The following MGARP variants were observed in gnomAD, a reference collection of about 807,000 sequenced individuals.
MGARP encodes protein MGARP.
A neutral mutation model predicts 11.0 loss-of-function variants in MGARP; 12 were observed. That is an observed-to-expected ratio of 1.09 (90% CI 0.70 to 1.77). The LOEUF (loss-of-function observed/expected upper bound fraction) is 1.77, where lower values mean the gene tolerates loss of function less well. Among genes scored for constraint, MGARP ranks in the 40% most tolerant of loss-of-function variants. The probability of loss-of-function intolerance (pLI) is 0.00; values close to 1 mark genes in which losing one functional copy is unlikely to be tolerated. For synonymous variants in MGARP, 110 were observed against 115.4 expected, an observed-to-expected ratio of 0.95 and a Z score of 0.30; for missense variants, 283 against 297.8, an observed-to-expected ratio of 0.95 and a Z score of 0.36.
chr4:139,268,897 A>C, intron 2 of MGARP, 132 bp from the exon 3 acceptor site: 2 of 607,060 alleles, frequency 3.3e-6, no homozygotes, highest in Non-Finnish European at 5.7e-6. Flanking sequence ...AGCAAAGAAG[A>C]GAAATCAGTG....
At chr4:139,279,960 G>A in intron 1 of MGARP, 117 bp downstream of exon 1, 1 of 1,044,426 alleles carries the variant, frequency 9.6e-7, no homozygotes, top group African/African-American at 1.6e-5. Flanking sequence ...CTCCAATCCA[G>A]GCTTCTGCTG....
chr4:139,275,696 T>C (rs1744858308), intron 1 of MGARP, among the ~76,000 whole-genome samples: 1 of 152,168 alleles, frequency 6.6e-6, no homozygotes, highest in Non-Finnish European at 1.5e-5. Flanking sequence ...AACAGCCAAA[T>C]GAAGTGCACA....
In MGARP at chr4:139,266,721, T is replaced by C. The variant is rs200692437; in HGVS notation, c.601A>G (p.Thr201Ala). The change falls in exon 4 of 4, where the codon ACC becomes GCC. Residue 201 changes from threonine (T) to alanine (A), a missense_variant. Thr to Ala is a moderately conservative substitution (Grantham distance 58, BLOSUM62 0). Transcript: ENST00000398955. ...DNDKDTTKNETSDEYAELEEE... is the reference protein window; with the variant it reads ...DNDKDTTKNEASDEYAELEEE... ...TCTAGTTCAGCATATTCATCAGAGG[T>C]TTCGTTCTTTGTTGTATCTTTATCA... The C allele has an allele frequency of 6.2e-7, 1 of 1,614,038 alleles. No individual in the cohort carries two copies. The highest frequency in any genetic ancestry group is 1.1e-5 in the South Asian group (1 of 91,076).
chr4:139,274,060 A>AT (rs1226359846), intron 2 of MGARP, among the ~76,000 whole-genome samples: 2 of 152,138 alleles, frequency 1.3e-5, no homozygotes, highest in Non-Finnish European at 1.5e-5. Flanking sequence ...ACAAATATGA[A>AT]TTTTTCAAAT....
At chr4:139,268,146 G>A (rs1222702154) in intron 3 of MGARP, among the ~76,000 whole-genome samples, 2 of 150,532 alleles carry the variant, frequency 1.3e-5, no homozygotes. Flanking sequence ...GGGAAGGAAG[G>A]GAGGGTGGGA....
intron 1 of MGARP, among the ~76,000 whole-genome samples, chr4:139,276,866 T>C (rs140645548): frequency 2.0e-4 from 30 of 152,252 alleles, no homozygotes; most frequent in African/African-American, 6.5e-4. Flanking sequence ...AATAAAATGC[T>C]TGGGACCAGA....
At position 139,272,561 on chromosome 4, in the gene MGARP, CA is replaced by C. The variant is rs35412789; in HGVS notation, c.186+2727del. Among the ~76,000 whole-genome samples the C allele has an allele frequency of 9.8e-3, 1,067 of 109,294 alleles. 14 individuals carry two copies. The highest frequency in any genetic ancestry group is 0.025 in the African/African-American group (792 of 32,276). The allele number at this position is 109,294 out of a possible 152,430, so 71.7% of individuals were successfully genotyped here. ...ACGAGAGCGAGACTCTGTCCCCTCC[CA>C]AAAAAAAAAAAAAAAAAATTCTGAG... On this transcript the variant is annotated intron_variant, in intron 2 of 3. Transcript: ENST00000398955.
intron 3 of MGARP, among the ~76,000 whole-genome samples, chr4:139,267,985 T>C (rs1031563549): frequency 2.0e-5 from 3 of 152,090 alleles, no homozygotes; most frequent in African/African-American, 7.2e-5. Flanking sequence ...GGTGTAGCGG[T>C]GCATGCTTGT....
intron 2 of MGARP, among the ~76,000 whole-genome samples, chr4:139,270,852 G>A (rs545133695): frequency 3.0e-4 from 45 of 152,244 alleles, no homozygotes; most frequent in African/African-American, 1.1e-3. Context: ...TGATAAGTCA[G>A]TATCCCCAGT....
chr4:139,267,095 A>G, intron 3 of MGARP, 54 bp from the exon 4 acceptor site: 2 of 1,554,378 alleles, frequency 1.3e-6, no homozygotes, highest in South Asian at 2.4e-5. Context: ...TGGGAAGGCA[A>G]TGAAACACTG....
chr4:139,278,624 G>A (rs1404765510), intron 1 of MGARP, among the ~76,000 whole-genome samples: 3 of 152,162 alleles, frequency 2.0e-5, no homozygotes, highest in Admixed American at 1.3e-4. Flanking sequence ...ACGCGCGCAT[G>A]ATGTCGGTGG....
intron 3 of MGARP, among the ~76,000 whole-genome samples, chr4:139,268,204 T>C (rs574099032): frequency 1.8e-4 from 27 of 152,234 alleles, no homozygotes; most frequent in African/African-American, 6.0e-4. Flanking sequence ...AAAGTTTCTG[T>C]TCCCATGGTC....
chr4:139,276,997 C>T (rs1049101978), intron 1 of MGARP, among the ~76,000 whole-genome samples: 5 of 152,162 alleles, frequency 3.3e-5, no homozygotes, highest in Non-Finnish European at 7.3e-5. Flanking sequence ...ACACCTTACA[C>T]ACATAGCCTG....
In MGARP at chr4:139,266,390, G is replaced by T; in HGVS notation, c.*209C>A. 1.8e-6 allele frequency: 1 copy of T among 560,990 alleles called. No individual in the cohort carries two copies. Among genetic ancestry groups the T allele is most frequent in the Non-Finnish European group, 3.1e-6 (1 of 319,140 alleles). The allele number at this position is 560,990 out of a possible 1,614,324, so 34.8% of individuals were successfully genotyped here. On this transcript the variant is annotated 3_prime_UTR_variant, in exon 4 of 4. Coordinates refer to ENST00000398955, the MANE Select transcript of MGARP (RefSeq NM_032623.4). ...GCTCTTTACTGCAATGTCATATTCT[G>T]ATCTCAGACAGTAGAAGAGTAGTAA...
intron 2 of MGARP, among the ~76,000 whole-genome samples, chr4:139,274,492 A>AT (rs571913607): frequency 1.3e-5 from 2 of 151,626 alleles, no homozygotes; most frequent in Non-Finnish European, 1.5e-5. Context: ...ATTTTTTTAA[A>AT]TTTTTTTTGG....
At chr4:139,272,592 A>G (rs968717978) in intron 2 of MGARP, among the ~76,000 whole-genome samples, 6 of 150,062 alleles carry the variant, frequency 4.0e-5, no homozygotes, top group African/African-American at 1.5e-4. Flanking sequence ...TCTGAGGATT[A>G]GAATATGTAT....
Position 139,280,202 on chromosome 4 carries a change from A to C in MGARP, c.-44T>G. On this transcript the variant is annotated 5_prime_UTR_variant, in exon 1 of 4. Coordinates refer to ENST00000398955, the MANE Select transcript of MGARP (RefSeq NM_032623.4). ...CGCAGCAGCCTCGGTACCCAGGCGC[A>C]GGCTGCCCTTCCACAGAGAGGCTGA... 6.4e-7 allele frequency: 1 copy of C among 1,566,912 alleles called. No individual in the cohort carries two copies.
At position 139,275,394 on chromosome 4, in the gene MGARP, T is replaced by C; in HGVS notation, c.83-2A>G. 1.9e-6 allele frequency: 3 copies of C among 1,609,330 alleles called. No individual in the cohort carries two copies. Among genetic ancestry groups the C allele is most frequent in the Non-Finnish European group, 2.5e-6 (3 of 1,178,204 alleles). ...TAGATGACATCCGGCGCAGAGATGC[T>C]AGGAAAAAAATGTTTAAACACAGTT... On this transcript the variant is annotated splice_acceptor_variant, in intron 1 of 3. Coordinates refer to ENST00000398955, the MANE Select transcript of MGARP (RefSeq NM_032623.4). LOFTEE classifies it high-confidence loss of function.
intron 2 of MGARP, among the ~76,000 whole-genome samples, chr4:139,270,624 A>AAAG (rs1553988395): frequency 2.0e-5 from 3 of 149,838 alleles, no homozygotes; most frequent in African/African-American, 5.0e-5. Context: ...AAAAAAAAAA[A>AAAG]AAAGAAAAGA....
Sources: gnomAD v4.1 joint callset for allele counts (sites outside exome capture counted in the v4.1 genomes callset) on GRCh38, gnomAD v4.1.1 for gene constraint, MANE v1.5 for transcripts, NCBI Gene and HGNC (gene_info 2026-07-23, HGNC 2026-07-21) for gene names.